PRDM16: variants seen among roughly 807,000 people sequenced by gnomAD.
The protein encoded by PRDM16 is PR/SET domain 16, also known as histone-lysine N-methyltransferase PRDM16.
In PRDM16, 23 loss-of-function variants were observed where a neutral mutation model predicts 110.6. That is an observed-to-expected ratio of 0.21 (90% CI 0.15 to 0.29). PRDM16 has a LOEUF of 0.29. Ranked by LOEUF, PRDM16 falls within the 10% of genes least tolerant of loss-of-function variation. The pLI is 1.00. For synonymous variants in PRDM16, 799 were observed against 781.8 expected (o/e 1.02, Z -0.37); for missense variants, 1,615 against 1,794.3 (o/e 0.90, Z 1.81).
intron 3 of PRDM16, among the ~76,000 whole-genome samples, chr1:3,331,068 G>A (rs1328560866): frequency 6.6e-6 from 1 of 152,340 alleles, no homozygotes; most frequent in South Asian, 2.1e-4. Flanking sequence ...CCGCCCACCC[G>A]GGCTCCAGGG....
intron 1 of PRDM16, among the ~76,000 whole-genome samples, chr1:3,127,674 TTG>T (rs1413469545): frequency 2.6e-5 from 4 of 152,148 alleles, no homozygotes; most frequent in Non-Finnish European, 5.9e-5. Flanking sequence ...AGGACGAGGG[TTG>T]AGAGGGACCC....
chr1:3,254,826 C>T, intron 3 of PRDM16, among the ~76,000 whole-genome samples: 1 of 152,016 alleles, frequency 6.6e-6, no homozygotes. Flanking sequence ...CATATGGAAC[C>T]AAAAAAGAGC....
In PRDM16 at chr1:3,359,467, A is replaced by T. The variant is rs1237022393; in HGVS notation, c.439-25685A>T. On this transcript the variant is annotated intron_variant, in intron 3 of 16. Transcript: ENST00000270722. The surrounding 1 kb of genome is among the most constrained non-coding windows in gnomAD (Gnocchi z 4.3). ...TGCCACCTTCTAAGTAAACACACTT[A>T]AAAAAGCACAAAGCAGCAAGAATTG... is the stretch of plus-strand genomic sequence containing the variant. Among the ~76,000 whole-genome samples the T allele has an allele frequency of 2.0e-5, 3 of 151,972 alleles. No individual in the cohort carries two copies. The highest frequency in any genetic ancestry group is 2.4e-5 in the African/African-American group (1 of 41,400).
chr1:3,348,965 G>A (rs930517789), intron 3 of PRDM16, among the ~76,000 whole-genome samples: 10 of 152,192 alleles, frequency 6.6e-5, no homozygotes, highest in African/African-American at 2.4e-4. Context: ...AGGGTCCACC[G>A]GGGCAGCGCT....
At chr1:3,074,893 C>G (rs1019256647) in intron 1 of PRDM16, among the ~76,000 whole-genome samples, 1 of 152,214 alleles carries the variant, frequency 6.6e-6, no homozygotes, top group African/African-American at 2.4e-5. Flanking sequence ...TGCTGACATC[C>G]CTGGTCCAGC....
chr1:3,272,331 G>A (rs1640474524), intron 3 of PRDM16, among the ~76,000 whole-genome samples: 1 of 152,186 alleles, frequency 6.6e-6, no homozygotes, highest in Admixed American at 6.5e-5. Context: ...CTCCGTGGGG[G>A]CTCTTTAGGT....
chr1:3,415,843 G>A (rs1569743619), intron 10 of PRDM16, among the ~76,000 whole-genome samples: 1 of 152,352 alleles, frequency 6.6e-6, no homozygotes, highest in Non-Finnish European at 1.5e-5. Context: ...CTAAGGTTGG[G>A]CTGTCACTTG....
rs572352531 is a variant in PRDM16, at chr1:3,233,682, G to A, written c.388-10405G>A. ...ATAACTTTACTAACACAGGAGAGCC[G>A]ACGTTAGATTGTCCCATCACAAAAT... On this transcript the variant is annotated intron_variant, in intron 2 of 16. Transcript: ENST00000270722. Among the ~76,000 whole-genome samples the A allele has an allele frequency of 9.2e-5, 14 of 152,290 alleles. No individual in the cohort carries two copies. In the East Asian group the frequency reaches 1.4e-3, roughly 15 times the overall value.
intron 1 of PRDM16, among the ~76,000 whole-genome samples, chr1:3,074,917 C>T (rs1641862760): frequency 6.6e-6 from 1 of 152,246 alleles, no homozygotes; most frequent in East Asian, 1.9e-4. Flanking sequence ...GCGTGGGCCA[C>T]GGCTCCTGAA....
intron 4 of PRDM16, among the ~76,000 whole-genome samples, chr1:3,394,739 G>A (rs1284709789): frequency 1.3e-5 from 2 of 152,228 alleles, no homozygotes; most frequent in African/African-American, 4.8e-5. Flanking sequence ...AGGGTCACCC[G>A]GGCTTTGTCC....
At chr1:3,302,037 T>G (rs1485614390) in intron 3 of PRDM16, among the ~76,000 whole-genome samples, 1 of 152,218 alleles carries the variant, frequency 6.6e-6, no homozygotes, top group African/African-American at 2.4e-5. Context: ...CTCATTATGC[T>G]CAGCTGCAGT....
At chr1:3,225,748 G>C (rs912396013) in intron 2 of PRDM16, among the ~76,000 whole-genome samples, 4 of 152,220 alleles carry the variant, frequency 2.6e-5, no homozygotes, top group African/African-American at 9.6e-5. Context: ...AGTCAGCAGT[G>C]TCTGCTCCCA....
rs1557509089 is a variant in PRDM16, at chr1:3,181,436, AAGCAG to A, written c.38-4688_38-4684del. On this transcript the variant is annotated intron_variant, in intron 1 of 16. Coordinates refer to ENST00000270722, the MANE Select transcript of PRDM16 (RefSeq NM_022114.4). ...CAGTCTTACACACGCGGTCTTACAC[AAGCAG>A]TCTTACACGGTCTTACACACGGTCT... is the stretch of plus-strand genomic sequence containing the variant. 4.1e-3 allele frequency among the ~76,000 whole-genome samples: 167 copies of A among 41,184 alleles called. 74 individuals carry two copies. The highest frequency in any genetic ancestry group is 7.8e-3 in the Non-Finnish European group (126 of 16,202). The allele number at this position is 41,184 out of a possible 152,430, so 27.0% of individuals were successfully genotyped here. A position where few individuals can be genotyped will look rare whatever the true frequency, so the allele number is the denominator to read the frequency against.
chr1:3,092,760 C>T (rs1250586883), intron 1 of PRDM16, among the ~76,000 whole-genome samples: 1 of 152,148 alleles, frequency 6.6e-6, no homozygotes, highest in African/African-American at 2.4e-5. Flanking sequence ...ACTTTGGGGT[C>T]TCCCGGCAGC....
At chr1:3,204,685 C>G (rs1226772224) in intron 2 of PRDM16, among the ~76,000 whole-genome samples, 2 of 152,260 alleles carry the variant, frequency 1.3e-5, no homozygotes, top group Non-Finnish European at 2.9e-5. Flanking sequence ...CCTGACTTTG[C>G]GTGTACGTAG....
intron 1 of PRDM16, among the ~76,000 whole-genome samples, chr1:3,097,728 C>T (rs578148618): frequency 2.0e-5 from 3 of 152,274 alleles, no homozygotes; most frequent in African/African-American, 4.8e-5. Flanking sequence ...CACAGGGTCT[C>T]CCCGAGGCCT....
intron 1 of PRDM16, among the ~76,000 whole-genome samples, chr1:3,129,830 T>C (rs1351898485): frequency 6.6e-6 from 1 of 152,094 alleles, no homozygotes; most frequent in Non-Finnish European, 1.5e-5. Context: ...CTGATTCTCT[T>C]TCCCCCTCTC....
rs555850707 is a variant in PRDM16 at position 3,436,034 on chromosome 1, G to A, written c.*2223G>A. Reference sequence around the variant, plus strand: ...CACAACTGCTCAGGCCTTCTCACGCGTTTCCACAACATCCCCTGGGTCAGA... The same window carrying A: ...CACAACTGCTCAGGCCTTCTCACGCATTTCCACAACATCCCCTGGGTCAGA... On this transcript the variant is annotated 3_prime_UTR_variant, in exon 17 of 17. Transcript: ENST00000270722. 23 of 230,536 alleles carry A rather than the reference G, an allele frequency of 1.0e-4. No individual in the cohort carries two copies. The South Asian group carries it at 3.1e-3, about 31-fold the overall frequency. The allele number at this position is 230,536 out of a possible 1,614,324, so 14.3% of individuals were successfully genotyped here.
At chr1:3,381,738 C>T (rs1046900322) in intron 3 of PRDM16, among the ~76,000 whole-genome samples, 1 of 152,074 alleles carries the variant, frequency 6.6e-6, no homozygotes, top group Admixed American at 6.5e-5. Flanking sequence ...AACCCCATGC[C>T]ATGGCTGTGG....
Sources: allele counts gnomAD v4.1 joint callset (sites outside exome capture counted in the v4.1 genomes callset), GRCh38; gene constraint gnomAD v4.1.1; non-coding constraint Gnocchi (gnomAD v3.1); transcripts MANE v1.5; gene names NCBI Gene and HGNC (gene_info 2026-07-23, HGNC 2026-07-21).